The following ELP4 variants were observed in gnomAD, a reference collection of about 807,000 sequenced individuals.
ELP4 encodes the protein elongator complex protein 4.
ELP4 carries 51 observed loss-of-function variants against 48.9 expected under a neutral mutation model. The ratio of observed to expected loss-of-function variants is 1.04; its 90% CI spans 0.83 to 1.32. The LOEUF (loss-of-function observed/expected upper bound fraction) is 1.32, where lower values mean the gene tolerates loss of function less well. Among genes scored for constraint, ELP4 ranks in the 40% most tolerant of loss-of-function variants. The pLI is 0.00. For missense variants in ELP4, 519 were observed against 514.6 expected (o/e 1.01, Z -0.08); for synonymous variants, 210 against 189.2 (o/e 1.11, Z -0.90).
chr11:31,638,604 T>C (rs529604891), intron 7 of ELP4, among the ~76,000 whole-genome samples: 2 of 152,026 alleles, frequency 1.3e-5, no homozygotes, highest in African/African-American at 4.8e-5. Context: ...AATGAGATTT[T>C]ATTTAGTGTG....
At chr11:31,772,258 G>A (rs1467603279) in intron 9 of ELP4, among the ~76,000 whole-genome samples, 1 of 151,690 alleles carries the variant, frequency 6.6e-6, no homozygotes, top group African/African-American at 2.4e-5. Flanking sequence ...CTCCTGAGTA[G>A]CGGGGATTCC....
chr11:31,605,467 G>C (rs1957857399), intron 5 of ELP4, among the ~76,000 whole-genome samples: 1 of 152,088 alleles, frequency 6.6e-6, no homozygotes, highest in African/African-American at 2.4e-5. Context: ...TAATAGTAAA[G>C]AGTGGAACCC....
intron 1 of ELP4, among the ~76,000 whole-genome samples, chr11:31,515,288 A>G (rs1331919583): frequency 1.1e-4 from 17 of 152,104 alleles, no homozygotes; most frequent in Admixed American, 1.1e-3. Context: ...GGTGATAAAA[A>G]TGATTTTAAT....
chr11:31,769,322 C>T (rs1430376602), intron 9 of ELP4, among the ~76,000 whole-genome samples: 1 of 152,056 alleles, frequency 6.6e-6, no homozygotes, highest in Non-Finnish European at 1.5e-5. Context: ...GCTCTGAGGA[C>T]TCATTTGTGT....
chr11:31,611,748 A>G (rs1013677975), intron 5 of ELP4, among the ~76,000 whole-genome samples: 1 of 152,236 alleles, frequency 6.6e-6, no homozygotes, highest in African/African-American at 2.4e-5. Flanking sequence ...TAACCTTGCC[A>G]TTGTGTAGCT....
chr11:31,709,229 G>T (rs2134168818), intron 9 of ELP4, among the ~76,000 whole-genome samples: 1 of 152,138 alleles, frequency 6.6e-6, no homozygotes, highest in East Asian at 1.9e-4. Flanking sequence ...CATACGACCT[G>T]GTGTCAGTTA....
intron 9 of ELP4, among the ~76,000 whole-genome samples, chr11:31,702,289 C>T (rs528679057): frequency 6.7e-6 from 1 of 148,184 alleles, no homozygotes; most frequent in Non-Finnish European, 1.5e-5. Flanking sequence ...GGCAACAGAG[C>T]GAGATCTTGT....
At chr11:31,588,126 A>AT (rs1177001777) in intron 3 of ELP4, among the ~76,000 whole-genome samples, 2 of 152,110 alleles carry the variant, frequency 1.3e-5, no homozygotes, top group Non-Finnish European at 2.9e-5. Flanking sequence ...ACTCCACATG[A>AT]TTTTTTGATT....
chr11:31,577,417 T>G (rs112403741), intron 3 of ELP4, among the ~76,000 whole-genome samples: 21 of 151,890 alleles, frequency 1.4e-4, no homozygotes, highest in African/African-American at 4.8e-4. Flanking sequence ...AAGAGGAAAT[T>G]CTCCCTAACT....
Position 31,701,116 on chromosome 11 carries a change from C to T in ELP4, c.1143+50895C>T, listed in dbSNP as rs56931413. On this transcript the variant is annotated intron_variant, in intron 9 of 9. Coordinates refer to ENST00000640961, the MANE Select transcript of ELP4 (RefSeq NM_019040.5). ...GTTTCAAATAGCCAATGACTTGAAC[C>T]TCTGTGTAGGAAAATAGCCTTCTCT... Among the ~76,000 whole-genome samples, 1,497 of 152,182 alleles carry T rather than the reference C, an allele frequency of 9.8e-3. 35 individuals carry two copies. The highest frequency in any genetic ancestry group is 0.034 in the African/African-American group (1,423 of 41,536).
At chr11:31,756,382 A>ATTC (rs1947832167) in intron 9 of ELP4, among the ~76,000 whole-genome samples, 1 of 152,170 alleles carries the variant, frequency 6.6e-6, no homozygotes, top group African/African-American at 2.4e-5. Context: ...TTTCTGGCAC[A>ATTC]AACCATAATC....
chr11:31,511,479 A>G (rs116689565), intron 1 of ELP4: 52 of 152,326 alleles, frequency 3.4e-4, no homozygotes, highest in African/African-American at 1.2e-3. Flanking sequence ...ATTCTCAGTA[A>G]GTTGTTGAAT....
At chr11:31,589,239 G>A (rs1245641194) in intron 3 of ELP4, among the ~76,000 whole-genome samples, 2 of 152,084 alleles carry the variant, frequency 1.3e-5, no homozygotes, top group South Asian at 2.1e-4. Context: ...TTCTTACGGT[G>A]CTCATTTTAT....
At chr11:31,724,287 TTTC>T (rs1188856088) in intron 9 of ELP4, among the ~76,000 whole-genome samples, 3 of 152,208 alleles carry the variant, frequency 2.0e-5, no homozygotes, top group African/African-American at 7.2e-5. Flanking sequence ...CTGGCTTTAT[TTTC>T]TTCTTGTCTC....
intron 5 of ELP4, among the ~76,000 whole-genome samples, chr11:31,619,630 C>G (rs1239461199): frequency 6.6e-6 from 1 of 151,058 alleles, no homozygotes; most frequent in Admixed American, 6.6e-5. Flanking sequence ...ATGACCTAAT[C>G]ACCTCCCAAA....
intron 3 of ELP4, among the ~76,000 whole-genome samples, chr11:31,577,241 G>A (rs913784255): frequency 2.0e-5 from 3 of 152,136 alleles, no homozygotes; most frequent in Non-Finnish European, 4.4e-5. Context: ...CGAGGAAGAA[G>A]TTGAATCCCT....
At chr11:31,567,515 C>G (rs1227394062) in intron 3 of ELP4, among the ~76,000 whole-genome samples, 2 of 152,102 alleles carry the variant, frequency 1.3e-5, no homozygotes, top group African/African-American at 4.8e-5. Context: ...TCCAGGCTGA[C>G]AGTTATGATA....
intron 9 of ELP4, among the ~76,000 whole-genome samples, chr11:31,774,515 GA>G (rs1396248692): frequency 1.3e-5 from 2 of 152,158 alleles, no homozygotes; most frequent in East Asian, 3.9e-4. Context: ...TCTTCTTGCA[GA>G]TTCTATAACT....
chr11:31,679,114 G>A (rs917021201), intron 9 of ELP4, among the ~76,000 whole-genome samples: 3 of 151,846 alleles, frequency 2.0e-5, no homozygotes, highest in Non-Finnish European at 2.9e-5. Flanking sequence ...AATTAAGTTG[G>A]TTTTTCTGTT....
Sources: allele counts gnomAD v4.1 joint callset (sites outside exome capture counted in the v4.1 genomes callset), GRCh38; gene constraint gnomAD v4.1.1; transcripts MANE v1.5; gene names NCBI Gene and HGNC (gene_info 2026-07-23, HGNC 2026-07-21).